The following PCDH11X variants were observed in gnomAD, a reference collection of about 807,000 sequenced individuals.
The protein encoded by PCDH11X is protocadherin 11 X-linked.
In PCDH11X, 18 loss-of-function variants were observed where a neutral mutation model predicts 53.3. The observed-to-expected ratio is 0.34, with a 90% CI of 0.23 to 0.50. PCDH11X has a LOEUF of 0.50. PCDH11X is among the 20% of genes least tolerant of loss of function. PCDH11X has a pLI of 0.98. For synonymous variants in PCDH11X, 279 were observed against 393.3 expected (o/e 0.71, Z 3.44); for missense variants, 570 against 1,032.4 (o/e 0.55, Z 6.14).
intron 1 of PCDH11X, among the ~76,000 whole-genome samples, chrX:91,806,665 A>T (rs1477554000): frequency 8.9e-6 from 1 of 112,461 alleles, no homozygotes; most frequent in East Asian, 2.8e-4. Flanking sequence ...ACGCTGATGG[A>T]GGGATAACAG....
intron 8 of PCDH11X, among the ~76,000 whole-genome samples, chrX:92,344,253 C>T (rs2069835908): frequency 9.2e-6 from 1 of 108,926 alleles, no homozygotes; most frequent in African/African-American, 3.3e-5. Context: ...CCACCTGGAC[C>T]TTTCCTCATG....
At chrX:92,551,662 C>T (rs1424819132) in intron 10 of PCDH11X, among the ~76,000 whole-genome samples, 1 of 109,685 alleles carries the variant, frequency 9.1e-6, no homozygotes, top group Admixed American at 9.8e-5. Context: ...CCAATGTTTT[C>T]TTGTTGTAGG....
intron 10 of PCDH11X, among the ~76,000 whole-genome samples, chrX:92,525,837 G>A (rs905990370): frequency 2.7e-5 from 3 of 110,584 alleles, no homozygotes; most frequent in African/African-American, 9.9e-5. Context: ...TGCAAATTTC[G>A]TGAGGGCATG....
At position 92,621,993 on chromosome X, in the gene PCDH11X, C is replaced by T. The variant is rs1033562964; in HGVS notation, c.*3053C>T. The T allele has an allele frequency of 9.9e-6, 1 of 101,313 alleles. No individual in the cohort carries two copies. The highest frequency in any genetic ancestry group is 2.0e-5 in the Non-Finnish European group (1 of 50,030). 8.3% of individuals were successfully genotyped at this position (101,313 alleles called of 1,213,427 possible). A position where few individuals can be genotyped will look rare whatever the true frequency, so the allele number is the denominator to read the frequency against. On this transcript the variant is annotated 3_prime_UTR_variant, in exon 11 of 11. Transcript: ENST00000682573. ...ATTCAAATACTAAGTATCTTATATG[C>T]TACGTGCATACACATTCTTTTCTTA...
intron 10 of PCDH11X, among the ~76,000 whole-genome samples, chrX:92,520,146 A>G (rs1461556585): frequency 9.0e-6 from 1 of 110,861 alleles, no homozygotes; most frequent in Non-Finnish European, 1.9e-5. Flanking sequence ...TTTATAGAAT[A>G]AGCATACCTC....
intron 9 of PCDH11X, among the ~76,000 whole-genome samples, chrX:92,434,132 T>G (rs139670461): frequency 0.041 from 4,557 of 110,994 alleles, 230 homozygotes; most frequent in African/African-American, 0.14. Flanking sequence ...ATCTATCATC[T>G]ATCTATCTAT....
At chrX:92,045,173 G>A (rs1395754221) in intron 6 of PCDH11X, among the ~76,000 whole-genome samples, 2 of 109,354 alleles carry the variant, frequency 1.8e-5, no homozygotes, top group African/African-American at 6.7e-5. Context: ...CGTTCATGAT[G>A]TTTTAGAAGC....
intron 7 of PCDH11X, 71 bp from the exon 8 acceptor site, chrX:92,263,043 A>T: frequency 9.0e-7 from 1 of 1,115,919 alleles, no homozygotes; most frequent in Admixed American, 3.4e-5. Context: ...TGCAGTAACC[A>T]AATTTGAGCT....
chrX:92,202,134 A>C (rs951787554), intron 7 of PCDH11X, among the ~76,000 whole-genome samples: 1 of 111,486 alleles, frequency 9.0e-6, no homozygotes, highest in African/African-American at 3.3e-5. Flanking sequence ...GCATGATTCC[A>C]AGGTTTGTGT....
chrX:91,957,280 C>A, intron 6 of PCDH11X, among the ~76,000 whole-genome samples: 1 of 110,314 alleles, frequency 9.1e-6, no homozygotes, highest in East Asian at 2.9e-4. Context: ...TCAGCTTCAG[C>A]CCAGTTCTGT....
chrX:92,028,616 A>G (rs111873336), intron 6 of PCDH11X, among the ~76,000 whole-genome samples: 2,597 of 74,387 alleles, frequency 0.035, 153 homozygotes, highest in African/African-American at 0.13. Context: ...AGTGGTCTAC[A>G]AGGCCCTACG....
chrX:92,272,151 T>G (rs991761813), intron 8 of PCDH11X, among the ~76,000 whole-genome samples: 1 of 111,824 alleles, frequency 8.9e-6, no homozygotes, highest in African/African-American at 3.2e-5. Flanking sequence ...GGCATTTATA[T>G]TGGAAAGCTA....
chrX:91,835,422 T>G (rs1937256799), intron 4 of PCDH11X, 39 bp from the exon 5 acceptor site: 1 of 1,210,391 alleles, frequency 8.3e-7, no homozygotes, highest in East Asian at 3.0e-5. Flanking sequence ...TCTTAATAAT[T>G]TCTTCTTCCT....
intron 6 of PCDH11X, among the ~76,000 whole-genome samples, chrX:92,132,720 T>C (rs1225022014): frequency 2.0e-5 from 2 of 100,699 alleles, no homozygotes; most frequent in Non-Finnish European, 4.0e-5. Context: ...TATGTTTAAC[T>C]TAACTGCTTA....
intron 7 of PCDH11X, among the ~76,000 whole-genome samples, chrX:92,207,558 C>T (rs1424265697): frequency 8.9e-6 from 1 of 111,995 alleles, no homozygotes; most frequent in Non-Finnish European, 1.9e-5. Flanking sequence ...ACTAAGATGC[C>T]ATTCTAATTA....
intron 6 of PCDH11X, among the ~76,000 whole-genome samples, chrX:91,964,822 C>T (rs906109663): frequency 1.3e-4 from 15 of 111,247 alleles, no homozygotes; most frequent in Admixed American, 6.7e-4. Context: ...GACTAGGGTA[C>T]GGGCTTCAAC....
chrX:91,908,570 G>A (rs1449635295), intron 6 of PCDH11X, among the ~76,000 whole-genome samples: 1 of 110,972 alleles, frequency 9.0e-6, no homozygotes, highest in Non-Finnish European at 1.9e-5. Context: ...CTGGGAGGCC[G>A]AGGCAGGTGG....
At chrX:92,463,898 AAAT>A (rs1361725410) in intron 9 of PCDH11X, among the ~76,000 whole-genome samples, 39 of 111,527 alleles carry the variant, frequency 3.5e-4, no homozygotes, top group Non-Finnish European at 6.8e-4. Context: ...CTATGAAAGA[AAAT>A]AAGCCATCTG....
intron 10 of PCDH11X, among the ~76,000 whole-genome samples, chrX:92,585,210 A>G (rs1185747934): frequency 2.7e-5 from 3 of 110,197 alleles, no homozygotes; most frequent in Non-Finnish European, 5.7e-5. Context: ...TTTAGCATTC[A>G]TGAAGGATTC....
Sources: gnomAD v4.1 joint callset for allele counts (sites outside exome capture counted in the v4.1 genomes callset) on GRCh38, gnomAD v4.1.1 for gene constraint, MANE v1.5 for transcripts, NCBI Gene and HGNC (gene_info 2026-07-23, HGNC 2026-07-21) for gene names.